Variants in ZSWIM6 observed in about 807,000 individuals in gnomAD.
The protein encoded by ZSWIM6 is zinc finger SWIM-type containing 6.
ZSWIM6 carries 9 observed loss-of-function variants against 113.2 expected under a neutral mutation model. The ratio of observed to expected loss-of-function variants is 0.08; its 90% CI spans 0.05 to 0.14. ZSWIM6 has a LOEUF of 0.14. ZSWIM6 is among the 10% of genes least tolerant of loss of function. The probability of loss-of-function intolerance (pLI) is 1.00; values close to 1 mark genes in which losing one functional copy is unlikely to be tolerated. For synonymous variants in ZSWIM6, 611 were observed against 606.5 expected, an observed-to-expected ratio of 1.01 and a Z score of -0.11; for missense variants, 1,162 against 1,552.2, an observed-to-expected ratio of 0.75 and a Z score of 4.22.
intron 4 of ZSWIM6, among the ~76,000 whole-genome samples, chr5:61,517,969 T>C (rs1749002620): frequency 9.2e-6 from 1 of 109,130 alleles, no homozygotes; most frequent in African/African-American, 3.7e-5. Flanking sequence ...CCCCAGAGTG[T>C]GATGTTCCCC....
chr5:61,360,742 T>G (rs1324635683), intron 1 of ZSWIM6, among the ~76,000 whole-genome samples: 1 of 152,234 alleles, frequency 6.6e-6, no homozygotes, highest in Non-Finnish European at 1.5e-5. Context: ...CCACTGATTT[T>G]TATAGCCAAT....
Position 61,523,593 on chromosome 5 carries a change from T to C in ZSWIM6, c.1513+2151T>C, listed in dbSNP as rs373372926. ...ATGTGTATTTATCATTTAAAAAAAT[T>C]GCTCAAGATAATTATTTCCCTTTTT... is the stretch of plus-strand genomic sequence containing the variant. On this transcript the variant is annotated intron_variant, in intron 5 of 13. Coordinates refer to ENST00000252744, the MANE Select transcript of ZSWIM6 (RefSeq NM_020928.2). Among the ~76,000 whole-genome samples, 1,061 of 152,336 alleles carry C rather than the reference T, an allele frequency of 7.0e-3. 15 individuals carry two copies. Among genetic ancestry groups the C allele is most frequent in the Middle Eastern group, 0.024 (7 of 294 alleles).
chr5:61,501,643 T>G (rs1042644683), intron 4 of ZSWIM6, among the ~76,000 whole-genome samples: 6 of 152,202 alleles, frequency 3.9e-5, no homozygotes, highest in Non-Finnish European at 5.9e-5. Flanking sequence ...AACCATATGC[T>G]AAACATGGAG....
At chr5:61,447,316 C>G (rs1370625062) in intron 1 of ZSWIM6, among the ~76,000 whole-genome samples, 2 of 152,160 alleles carry the variant, frequency 1.3e-5, no homozygotes, top group Admixed American at 6.5e-5. Flanking sequence ...CAAACAATTA[C>G]TGAAACACAA....
chr5:61,381,248 T>C lies in ZSWIM6; in HGVS notation c.676+48300T>C, dbSNP rs578118109. On this transcript the variant is annotated intron_variant, in intron 1 of 13. Coordinates refer to ENST00000252744, the MANE Select transcript of ZSWIM6 (RefSeq NM_020928.2). ...AGCCTGGGCAACAGAGTGAGCCTCT[T>C]GTCTCAAACAAAACAAAATAAAACA... Among the ~76,000 whole-genome samples, 5 of 152,134 alleles carry C rather than the reference T, an allele frequency of 3.3e-5. No homozygotes were observed. In the South Asian group the frequency reaches 1.0e-3, roughly 32 times the overall value.
intron 10 of ZSWIM6, 151 bp from the exon 11 acceptor site, chr5:61,538,663 C>T (rs1186709230): frequency 3.8e-6 from 3 of 785,860 alleles, no homozygotes; most frequent in East Asian, 5.6e-5. Flanking sequence ...TTTGCACCCA[C>T]ACAGCAGAGT....
In ZSWIM6 at chr5:61,543,858, G is replaced by A. The variant is rs184393808; in HGVS notation, c.3189G>A (p.Gln1063=). 5 of 1,551,894 alleles carry A rather than the reference G, an allele frequency of 3.2e-6. No individual in the cohort carries two copies. In the African/African-American group the frequency reaches 6.8e-5, roughly 21 times the overall value. ...AMTHLNLSYN[Q]DTHPAINDVL... ...CCCATCTCAACCTGAGCTACAATCA[G>A]GACACACACCCTGCCATTAATGATG... The change falls in exon 14 of 14, where the codon CAG becomes CAA. Residue 1063 remains glutamine, a synonymous_variant. Coordinates refer to ENST00000252744, the MANE Select transcript of ZSWIM6 (RefSeq NM_020928.2). This position sits in a 1 kb window ranked among gnomAD's most constrained non-coding sequence, Gnocchi z 4.3.
rs1270200282 is a variant in ZSWIM6 at position 61,335,051 on chromosome 5, A to G, written c.676+2103A>G. 2.0e-5 allele frequency among the ~76,000 whole-genome samples: 3 copies of G among 152,268 alleles called. No homozygotes were observed. In the East Asian group the frequency reaches 5.8e-4, roughly 29 times the overall value. On this transcript the variant is annotated intron_variant, in intron 1 of 13. Coordinates refer to ENST00000252744, the MANE Select transcript of ZSWIM6 (RefSeq NM_020928.2). ...CCAAGGGGCGATAAATAAAAGAGGC[A>G]ATCTTCTCTAGGAGACAGACACACA...
At chr5:61,341,873 CTTTTTTTTTTTTTT>C (rs35227918) in intron 1 of ZSWIM6, among the ~76,000 whole-genome samples, 5 of 94,704 alleles carry the variant, frequency 5.3e-5, no homozygotes, top group African/African-American at 8.5e-5. Flanking sequence ...TCTCTGTAAC[CTTTTTTTTTTTTTT>C]TTTTTTTTTT....
intron 1 of ZSWIM6, chr5:61,347,021 G>A (rs1244352699): frequency 6.6e-6 from 1 of 152,266 alleles, no homozygotes; most frequent in Non-Finnish European, 1.5e-5. Context: ...TTATATTTTA[G>A]ATGTGTTAGA....
intron 4 of ZSWIM6, among the ~76,000 whole-genome samples, chr5:61,499,236 C>T (rs533195888): frequency 3.3e-5 from 5 of 152,286 alleles, no homozygotes; most frequent in African/African-American, 9.6e-5. Flanking sequence ...TAATGAACCA[C>T]ATATCAGGAT....
At chr5:61,487,538 A>C (rs1748053714) in intron 2 of ZSWIM6, among the ~76,000 whole-genome samples, 2 of 151,950 alleles carry the variant, frequency 1.3e-5, no homozygotes, top group African/African-American at 2.4e-5. Context: ...ATGTTTTTCC[A>C]TTTGTTTGTG....
intron 5 of ZSWIM6, 87 bp downstream of exon 5, chr5:61,521,529 A>G: frequency 8.8e-7 from 1 of 1,135,514 alleles, no homozygotes; most frequent in Non-Finnish European, 1.1e-6. Flanking sequence ...GTATATGGGA[A>G]AATGATTTTA....
intron 2 of ZSWIM6, among the ~76,000 whole-genome samples, chr5:61,487,589 G>A (rs1252653751): frequency 6.6e-6 from 1 of 151,620 alleles, no homozygotes; most frequent in Non-Finnish European, 1.5e-5. Context: ...TAGTTTTTTT[G>A]TAGAAATATT....
chr5:61,486,120 A>G (rs748145219), intron 2 of ZSWIM6, among the ~76,000 whole-genome samples: 28 of 151,680 alleles, frequency 1.8e-4, no homozygotes, highest in African/African-American at 4.1e-4. Flanking sequence ...CCACCCTCCA[A>G]CTCTTCCAAG....
At chr5:61,380,517 A>T (rs1745452545) in intron 1 of ZSWIM6, among the ~76,000 whole-genome samples, 1 of 152,184 alleles carries the variant, frequency 6.6e-6, no homozygotes, top group South Asian at 2.1e-4. Context: ...AGGACTTCAA[A>T]ATCTGAGTGT....
Position 61,543,738 on chromosome 5 carries a change from T to C in ZSWIM6, c.3069T>C (p.Thr1023=). The C allele has an allele frequency of 6.4e-7, 1 of 1,551,762 alleles. No homozygotes were observed. Among genetic ancestry groups the C allele is most frequent in the Non-Finnish European group, 8.7e-7 (1 of 1,147,016 alleles). Residue 1023 remains threonine (T), a synonymous_variant, in exon 14 of 14, where the codon ACT becomes ACC. Coordinates refer to ENST00000252744, the MANE Select transcript of ZSWIM6 (RefSeq NM_020928.2). This position sits in a 1 kb window ranked among gnomAD's most constrained non-coding sequence, Gnocchi z 4.3. The part of the protein sequence containing the change: ...AYQIVLDAAT[T]GMSYTQLFTI... ...AAATTGTTCTCGACGCTGCTACGACTGGCATGAGCTATACACAGCTCTTTA... is the reference window on the plus strand; with the variant it reads ...AAATTGTTCTCGACGCTGCTACGACCGGCATGAGCTATACACAGCTCTTTA...
chr5:61,424,352 T>C (rs1391928375), intron 1 of ZSWIM6, among the ~76,000 whole-genome samples: 1 of 152,200 alleles, frequency 6.6e-6, no homozygotes, highest in Non-Finnish European at 1.5e-5. Flanking sequence ...GAGAGAATTA[T>C]AATTGCACTT....
In ZSWIM6 at chr5:61,472,935, G is replaced by A. The variant is rs1162324565; in HGVS notation, c.931G>A (p.Val311Ile). ...QMNRDQLQKF[V>I]QYLITVHHTE... is the part of the protein sequence containing the mutation. ...GAATAGAGACCAACTGCAAAAGTTT[G>A]TACAGTATTTGATCACAGTGCACCA... Residue 311 changes from valine to isoleucine, a missense_variant, in exon 2 of 14, where the codon GTA (valine) becomes ATA (isoleucine). By Grantham distance (29) the Val-to-Ile change is conservative. Coordinates refer to ENST00000252744, the MANE Select transcript of ZSWIM6 (RefSeq NM_020928.2). The surrounding 1 kb of genome is among the most constrained non-coding windows in gnomAD (Gnocchi z 4.1). 14 of 1,551,508 alleles carry A rather than the reference G, an allele frequency of 9.0e-6. No individual in the cohort carries two copies. The Admixed American group carries it at 2.0e-4, about 22-fold the overall frequency.
Sources: allele counts gnomAD v4.1 joint callset (sites outside exome capture counted in the v4.1 genomes callset), GRCh38; gene constraint gnomAD v4.1.1; non-coding constraint Gnocchi (gnomAD v3.1); transcripts MANE v1.5; gene names NCBI Gene and HGNC (gene_info 2026-07-23, HGNC 2026-07-21).